GALNT10: variants seen among roughly 807,000 people sequenced by gnomAD.
The protein encoded by GALNT10 is GalNAc transferase 10.
GALNT10 carries 41 observed loss-of-function variants against 75.0 expected under a neutral mutation model. The observed-to-expected ratio is 0.55, with a 90% CI of 0.43 to 0.71. The LOEUF (loss-of-function observed/expected upper bound fraction) is 0.71. GALNT10 is among the 30% of genes least tolerant of loss of function. The probability of loss-of-function intolerance (pLI) is 0.00; values close to 1 mark genes in which losing one functional copy is unlikely to be tolerated. For synonymous variants in GALNT10, 302 were observed against 313.0 expected (o/e 0.96, Z 0.37); for missense variants, 727 against 818.5 (o/e 0.89, Z 1.36).
chr5:154,229,188 G>T (rs943505252), intron 1 of GALNT10, among the ~76,000 whole-genome samples: 1 of 152,154 alleles, frequency 6.6e-6, no homozygotes, highest in Non-Finnish European at 1.5e-5. Context: ...TTGGTCGTCT[G>T]TACATTGTGG....
At chr5:154,223,557 AG>A (rs1368995575) in intron 1 of GALNT10, among the ~76,000 whole-genome samples, 1 of 152,254 alleles carries the variant, frequency 6.6e-6, no homozygotes, top group Non-Finnish European at 1.5e-5. Context: ...TGAAGGGGTT[AG>A]CATTTGAGCT....
At chr5:154,297,597 A>G (rs189149163) in intron 2 of GALNT10, among the ~76,000 whole-genome samples, 385 of 152,284 alleles carry the variant, frequency 2.5e-3, no homozygotes, top group Middle Eastern at 6.8e-3. Flanking sequence ...CTGCGAGGGC[A>G]GGGGTCTTTG....
At chr5:154,378,490 G>A (rs777246377) in intron 5 of GALNT10, among the ~76,000 whole-genome samples, 2 of 152,192 alleles carry the variant, frequency 1.3e-5, no homozygotes, top group Non-Finnish European at 2.9e-5. Context: ...GAGATGCTCA[G>A]CCTTCCACTC....
chr5:154,275,914 T>G (rs1040615875), intron 1 of GALNT10, among the ~76,000 whole-genome samples: 30 of 152,202 alleles, frequency 2.0e-4, no homozygotes, highest in African/African-American at 7.2e-4. Flanking sequence ...GGATGGAAAT[T>G]CCATCTCTCA....
intron 1 of GALNT10, among the ~76,000 whole-genome samples, chr5:154,279,307 T>G (rs1238294134): frequency 1.4e-5 from 2 of 144,650 alleles, no homozygotes; most frequent in African/African-American, 5.6e-5. Context: ...TTGTTTTGTT[T>G]TTTTTTTTTT....
chr5:154,405,272 G>A (rs923047142), intron 8 of GALNT10, among the ~76,000 whole-genome samples: 2 of 152,288 alleles, frequency 1.3e-5, no homozygotes, highest in South Asian at 4.1e-4. Flanking sequence ...TACAAGGAAA[G>A]CCGAGAGGCT....
Position 154,402,990 on chromosome 5 carries a change from C to T in GALNT10, c.1057-1114C>T, listed in dbSNP as rs182685099. The T allele has an allele frequency of 6.6e-6, 1 of 152,560 alleles. No homozygotes were observed. The highest frequency in any genetic ancestry group is 1.9e-4 in the East Asian group (1 of 5,194). The allele number at this position is 152,560 out of a possible 1,614,324, so 9.5% of individuals were successfully genotyped here. On this transcript the variant is annotated intron_variant, in intron 7 of 11. Transcript: ENST00000297107. This position sits in a 1 kb window ranked among gnomAD's most constrained non-coding sequence, Gnocchi z 4.2. ...GGAGGCAGGGATTGTGAGGCCACTT[C>T]GGAGGCTGGGGCCTCGGCTGACTGA...
rs1336023708 is a variant in GALNT10 at position 154,376,287 on chromosome 5, G to A, written c.579G>A (p.Lys193=). Residue 193 remains lysine, a synonymous_variant, in exon 5 of 12, where the codon AAG becomes AAA. Transcript: ENST00000297107. The surrounding 1 kb of genome is among the most constrained non-coding windows in gnomAD (Gnocchi z 4.1). ...TCTTCTGTCTCATAGAGCACCTGAA[G>A]AAGCCTCTTGAAGACTACATGGCCC... The part of the protein sequence containing the change: ...VDDFSDREHL[K]KPLEDYMALF... 2 of 1,608,994 alleles carry A rather than the reference G, an allele frequency of 1.2e-6. No individual in the cohort carries two copies. The highest frequency in any genetic ancestry group is 1.7e-5 in the Admixed American group (1 of 59,632).
intron 4 of GALNT10, among the ~76,000 whole-genome samples, chr5:154,345,136 T>C (rs1164303889): frequency 6.6e-6 from 1 of 152,098 alleles, no homozygotes; most frequent in Non-Finnish European, 1.5e-5. Context: ...GCATCAAAAC[T>C]CATCCTCCCC....
chr5:154,309,911 A>G (rs2113093706), intron 3 of GALNT10, among the ~76,000 whole-genome samples: 1 of 152,318 alleles, frequency 6.6e-6, no homozygotes. Context: ...TGTGGTTTTA[A>G]TTAACTCACC....
chr5:154,409,891 T>A lies in GALNT10; in HGVS notation c.1386+129T>A. 1 of 662,206 alleles carries A rather than the reference T, an allele frequency of 1.5e-6. No homozygotes were observed. The highest frequency in any genetic ancestry group is 2.7e-6 in the Non-Finnish European group (1 of 373,850). The allele number at this position is 662,206 out of a possible 1,614,324, so 41.0% of individuals were successfully genotyped here. ...CGTGAATATAAAATCGTTTCCTTTCTTTCCTGGTCTCTCTCTAGCCTTGTC... is the reference window on the plus strand; with the variant it reads ...CGTGAATATAAAATCGTTTCCTTTCATTCCTGGTCTCTCTCTAGCCTTGTC... On this transcript the variant is annotated intron_variant, in intron 9 of 11. Transcript: ENST00000297107. This position sits in a 1 kb window ranked among gnomAD's most constrained non-coding sequence, Gnocchi z 4.5.
In GALNT10 at chr5:154,417,115, G is replaced by C. The variant is rs1005005498; in HGVS notation, c.*143G>C. 3 of 708,128 alleles carry C rather than the reference G, an allele frequency of 4.2e-6. No homozygotes were observed. The highest frequency in any genetic ancestry group is 1.8e-5 in the African/African-American group (1 of 56,576). The allele number at this position is 708,128 out of a possible 1,614,324, so 43.9% of individuals were successfully genotyped here. ...AGGGTGAAGAGGGCTCTTGATTCAGGGGCTGGGGTCTGCCTGGTCCTTGAG... is the reference window on the plus strand; with the variant it reads ...AGGGTGAAGAGGGCTCTTGATTCAGCGGCTGGGGTCTGCCTGGTCCTTGAG... On this transcript the variant is annotated 3_prime_UTR_variant, in exon 12 of 12. Transcript: ENST00000297107.
intron 1 of GALNT10, among the ~76,000 whole-genome samples, chr5:154,197,226 C>T (rs941806688): frequency 2.0e-5 from 3 of 152,140 alleles, no homozygotes; most frequent in African/African-American, 7.2e-5. Context: ...CCCGTTCTGC[C>T]GCTGCCTTCC....
chr5:154,240,360 G>C (rs1231999084), intron 1 of GALNT10, among the ~76,000 whole-genome samples: 1 of 152,206 alleles, frequency 6.6e-6, no homozygotes, highest in African/African-American at 2.4e-5. Flanking sequence ...AGTACATAAA[G>C]CACTTAGTAT....
intron 1 of GALNT10, among the ~76,000 whole-genome samples, chr5:154,268,034 C>T (rs557128742): frequency 1.1e-4 from 16 of 152,270 alleles, no homozygotes; most frequent in Middle Eastern, 3.4e-3. Flanking sequence ...GATATGTTTA[C>T]AAAGCATGAA....
intron 4 of GALNT10, among the ~76,000 whole-genome samples, chr5:154,355,800 A>T (rs1431669159): frequency 3.3e-5 from 5 of 152,196 alleles, no homozygotes; most frequent in Non-Finnish European, 5.9e-5. Context: ...CTCTCACTAC[A>T]TCCAGTGAAC....
chr5:154,394,336 AACT>A (rs1354727939), intron 7 of GALNT10, among the ~76,000 whole-genome samples: 1 of 135,414 alleles, frequency 7.4e-6, no homozygotes, highest in Non-Finnish European at 1.5e-5. Context: ...AAAAAAAAAA[AACT>A]CTGATTTTTT....
Position 154,416,045 on chromosome 5 carries a change from AC to A in GALNT10, c.1653+115del, listed in dbSNP as rs765068732. ...ATCCACTTATTCATTTGTGCCACAA[AC>A]CTACCATGCCGGATTTTGTAGTCAT... On this transcript the variant is annotated intron_variant, in intron 11 of 11. Transcript: ENST00000297107. The surrounding 1 kb of genome is among the most constrained non-coding windows in gnomAD (Gnocchi z 4.5). 118 of 967,142 alleles carry A rather than the reference AC, an allele frequency of 1.2e-4. No individual in the cohort carries two copies. Among genetic ancestry groups the A allele is most frequent in the Non-Finnish European group, 1.7e-4 (111 of 650,530 alleles). 59.9% of individuals were successfully genotyped at this position (967,142 alleles called of 1,614,324 possible).
intron 7 of GALNT10, chr5:154,388,211 C>A (rs1473446427): frequency 1.3e-5 from 2 of 152,134 alleles, no homozygotes; most frequent in Non-Finnish European, 2.9e-5. Context: ...CTATTTTAAC[C>A]ACCAGAGTTC....
Sources: gnomAD v4.1 joint callset for allele counts (sites outside exome capture counted in the v4.1 genomes callset) on GRCh38, gnomAD v4.1.1 for gene constraint, Gnocchi (gnomAD v3.1) non-coding constraint, MANE v1.5 for transcripts, NCBI Gene and HGNC (gene_info 2026-07-23, HGNC 2026-07-21) for gene names.